FAM178B: variants seen among roughly 807,000 people sequenced by gnomAD.
FAM178B encodes the protein protein FAM178B.
Under a neutral mutation model 91.7 loss-of-function variants are expected in FAM178B, and 82 were observed. The observed-to-expected ratio is 0.89, with a 90% CI of 0.75 to 1.07. FAM178B has a LOEUF of 1.07. FAM178B is among the 50% of genes least tolerant of loss of function. The pLI, the probability that FAM178B is intolerant of heterozygous loss-of-function variation, is 0.00. For synonymous variants in FAM178B, 368 were observed against 359.4 expected (o/e 1.02, Z -0.27); for missense variants, 769 against 846.7 (o/e 0.91, Z 1.14).
intron 7 of FAM178B, among the ~76,000 whole-genome samples, chr2:96,948,275 G>A (rs900730678): frequency 6.6e-6 from 1 of 152,250 alleles, no homozygotes; most frequent in Non-Finnish European, 1.5e-5. Context: ...TAAGGGGAGA[G>A]AAAGCATGCC....
intron 14 of FAM178B, among the ~76,000 whole-genome samples, chr2:96,881,183 T>A (rs927827699): frequency 1.3e-5 from 2 of 149,088 alleles, no homozygotes; most frequent in Non-Finnish European, 3.0e-5. Flanking sequence ...GGCAGGCATA[T>A]CACTTGAGCC....
chr2:96,921,320 G>T, intron 11 of FAM178B, 58 bp from the exon 12 acceptor site: 1 of 1,524,990 alleles, frequency 6.6e-7, no homozygotes, highest in South Asian at 1.2e-5. Context: ...CCTTGCTCTC[G>T]CCACCCAGCC....
chr2:96,978,504 AC>A lies in FAM178B; in HGVS notation c.74-5899del, dbSNP rs913646032. Among the ~76,000 whole-genome samples the A allele has an allele frequency of 3.9e-5, 6 of 152,248 alleles. No homozygotes were observed. The East Asian group carries it at 7.7e-4, about 20-fold the overall frequency. On this transcript the variant is annotated intron_variant, in intron 1 of 16. Transcript: ENST00000490605. Reference sequence around the variant, plus strand: ...GGCTTCCTTCTGTACATCCAAGTACACCCAGTGTTTAGTTCCACTTGTAAGT... The same window carrying A: ...GGCTTCCTTCTGTACATCCAAGTACACCAGTGTTTAGTTCCACTTGTAAGT...
rs1363901959 is a variant in FAM178B, at chr2:96,954,518, G to A, written c.888-3034C>T. Reference sequence around the variant, plus strand: ...TCACACCCAAGGGAAGATTCTTCCCGCCTCAACCTCCTCATTTATTTTATG... The same window carrying A: ...TCACACCCAAGGGAAGATTCTTCCCACCTCAACCTCCTCATTTATTTTATG... On this transcript the variant is annotated intron_variant, in intron 6 of 16. Coordinates refer to ENST00000490605, the MANE Select transcript of FAM178B (RefSeq NM_001122646.3). Among the ~76,000 whole-genome samples, 25 of 152,292 alleles carry A rather than the reference G, an allele frequency of 1.6e-4. 1 individual carries two copies. The highest frequency in any genetic ancestry group is 5.1e-4 in the African/African-American group (21 of 41,542).
chr2:96,906,955 G>A (rs2081068515), intron 12 of FAM178B, among the ~76,000 whole-genome samples: 1 of 152,354 alleles, frequency 6.6e-6, no homozygotes, highest in Admixed American at 6.5e-5. Context: ...CAGCGGGCGA[G>A]GAGGGCCTGC....
rs1393633252 is a variant in FAM178B, at chr2:96,947,790, A to C, written c.1078+28T>G. On this transcript the variant is annotated intron_variant, in intron 8 of 16. Transcript: ENST00000490605. The stretch of plus-strand genomic sequence containing the variant: ...CACAGGCTTGGGAGCTCAGTGCGCC[A>C]ATCTCCACCCTGCATCCCAGTACTG... 5 of 1,369,152 alleles carry C rather than the reference A, an allele frequency of 3.7e-6. No homozygotes were observed. The African/African-American group carries it at 4.4e-5, about 12-fold the overall frequency. The allele number at this position is 1,369,152 out of a possible 1,614,324, so 84.8% of individuals were successfully genotyped here.
intron 8 of FAM178B, among the ~76,000 whole-genome samples, chr2:96,944,983 C>A (rs148345012): frequency 6.6e-6 from 1 of 152,164 alleles, no homozygotes; most frequent in African/African-American, 2.4e-5. Context: ...TTCCTCTTCC[C>A]GTTGCCTCCT....
chr2:96,944,665 C>T (rs1276390111), intron 8 of FAM178B, among the ~76,000 whole-genome samples: 1 of 152,220 alleles, frequency 6.6e-6, no homozygotes, highest in Non-Finnish European at 1.5e-5. Flanking sequence ...AATTCCTTGT[C>T]ATGTGAGCTA....
intron 14 of FAM178B, among the ~76,000 whole-genome samples, chr2:96,887,613 A>G (rs565906621): frequency 4.3e-4 from 66 of 152,338 alleles, no homozygotes; most frequent in Non-Finnish European, 1.5e-5. Context: ...TTGGATTCAA[A>G]TGTCGCAGTG....
intron 2 of FAM178B, 88 bp from the exon 3 acceptor site, chr2:96,972,410 T>G: frequency 6.8e-7 from 1 of 1,477,146 alleles, no homozygotes; most frequent in South Asian, 1.3e-5. Context: ...GAGCAGCAAA[T>G]GGGTGAGAGA....
rs2081497142 is a variant in FAM178B at position 96,929,086 on chromosome 2, A to G, written c.1193+120T>C. The G allele has an allele frequency of 4.3e-6, 3 of 705,512 alleles. No individual in the cohort carries two copies. The East Asian group carries it at 8.5e-5, about 20-fold the overall frequency. The allele number at this position is 705,512 out of a possible 1,614,324, so 43.7% of individuals were successfully genotyped here. A position where few individuals can be genotyped will look rare whatever the true frequency, so the allele number is the denominator to read the frequency against. ...GGTGGGAGGATCACTTGAGCCTGGG[A>G]GGTGGAGGCCGCAGTGAGCTATGAT... On this transcript the variant is annotated intron_variant, in intron 9 of 16. Coordinates refer to ENST00000490605, the MANE Select transcript of FAM178B (RefSeq NM_001122646.3).
chr2:96,927,829 C>T (rs2081469710), intron 9 of FAM178B, among the ~76,000 whole-genome samples: 1 of 152,220 alleles, frequency 6.6e-6, no homozygotes, highest in Non-Finnish European at 1.5e-5. Context: ...CTCATCACAG[C>T]AGTCACAAGT....
At chr2:96,894,215 C>T (rs1042155642) in intron 13 of FAM178B, among the ~76,000 whole-genome samples, 164 bp from the exon 14 acceptor site, 2 of 151,898 alleles carry the variant, frequency 1.3e-5, no homozygotes, top group African/African-American at 4.8e-5. Context: ...CTCTCGGATC[C>T]TGAGTGTTCT....
At chr2:96,895,298 A>G in intron 13 of FAM178B, 1 of 367,288 alleles carries the variant, frequency 2.7e-6, no homozygotes, top group Non-Finnish European at 5.2e-6. Flanking sequence ...ACCTGTGTTC[A>G]GTTTTCTCTG....
At chr2:96,902,123 T>TTTTTTTTTTA in intron 13 of FAM178B, among the ~76,000 whole-genome samples, 6 of 145,982 alleles carry the variant, frequency 4.1e-5, no homozygotes, top group Admixed American at 6.7e-5. Context: ...TTTTTTTTTT[T>TTTTTTTTTTA]GAGATGGAGT....
At chr2:96,916,091 G>A (rs1045594752) in intron 12 of FAM178B, among the ~76,000 whole-genome samples, 5 of 152,200 alleles carry the variant, frequency 3.3e-5, no homozygotes, top group African/African-American at 1.2e-4. Flanking sequence ...TCACTATCAT[G>A]ACATTGCTAT....
At chr2:96,916,328 A>G (rs2081240230) in intron 12 of FAM178B, among the ~76,000 whole-genome samples, 1 of 152,238 alleles carries the variant, frequency 6.6e-6, no homozygotes, top group African/African-American at 2.4e-5. Flanking sequence ...CTGCCAGGCA[A>G]GGAACTCTAC....
chr2:96,876,195 A>C lies in FAM178B; in HGVS notation c.*81T>G. 6.8e-7 allele frequency: 1 copy of C among 1,465,578 alleles called. No individual in the cohort carries two copies. The highest frequency in any genetic ancestry group is 9.4e-7 in the Non-Finnish European group (1 of 1,065,798). 90.8% of individuals were successfully genotyped at this position (1,465,578 alleles called of 1,614,324 possible). A position where few individuals can be genotyped will look rare whatever the true frequency, so the allele number is the denominator to read the frequency against. On this transcript the variant is annotated 3_prime_UTR_variant, in exon 17 of 17. Transcript: ENST00000490605. Reference sequence around the variant, plus strand: ...CAGCATGTGGCCTCCTCTGGCCTTGATGCTTCGCTTCCTCCAGTTCCCTGA... The same window carrying C: ...CAGCATGTGGCCTCCTCTGGCCTTGCTGCTTCGCTTCCTCCAGTTCCCTGA...
intron 1 of FAM178B, among the ~76,000 whole-genome samples, chr2:96,984,039 G>A (rs922709153): frequency 6.6e-6 from 1 of 151,886 alleles, no homozygotes; most frequent in Non-Finnish European, 1.5e-5. Flanking sequence ...GCACAATCTC[G>A]GTTCACTGCA....
Sources: allele counts gnomAD v4.1 joint callset (sites outside exome capture counted in the v4.1 genomes callset), GRCh38; gene constraint gnomAD v4.1.1; transcripts MANE v1.5; gene names NCBI Gene and HGNC (gene_info 2026-07-23, HGNC 2026-07-21).